SLC4A5: variants seen among roughly 807,000 people sequenced by gnomAD.
SLC4A5 encodes the protein solute carrier family 4 member 5, also known as electrogenic sodium bicarbonate cotransporter 4.
In SLC4A5, 96 loss-of-function variants were observed where a neutral mutation model predicts 120.4. The observed-to-expected ratio is 0.80, with a 90% CI of 0.68 to 0.94. The LOEUF (loss-of-function observed/expected upper bound fraction) is 0.94, where lower values mean the gene tolerates loss of function less well. Ranked by LOEUF, SLC4A5 falls within the 40% of genes least tolerant of loss-of-function variation. SLC4A5 has a pLI of 0.00. For missense variants in SLC4A5, 1,259 were observed against 1,459.5 expected, an observed-to-expected ratio of 0.86 and a Z score of 2.24; for synonymous variants, 550 against 571.1, an observed-to-expected ratio of 0.96 and a Z score of 0.53.
chr2:74,324,802 C>T (rs1573105572), intron 5 of SLC4A5, among the ~76,000 whole-genome samples: 3 of 152,110 alleles, frequency 2.0e-5, no homozygotes, highest in Non-Finnish European at 1.5e-5. Context: ...CCCATTCCAG[C>T]CACAGAGACT....
At chr2:74,297,309 T>G (rs1488468305) in intron 7 of SLC4A5, among the ~76,000 whole-genome samples, 1 of 152,192 alleles carries the variant, frequency 6.6e-6, no homozygotes, top group Non-Finnish European at 1.5e-5. Context: ...TATTTATCTC[T>G]CATTTAACAA....
chr2:74,271,731 T>C (rs1671480747), intron 8 of SLC4A5, among the ~76,000 whole-genome samples: 1 of 151,484 alleles, frequency 6.6e-6, no homozygotes, highest in African/African-American at 2.4e-5. Context: ...ACTGATCACT[T>C]TGGGTGAGAT....
rs1234282834 is a variant in SLC4A5 at position 74,246,899 on chromosome 2, T to C, written c.2059+137A>G. 3.5e-6 allele frequency: 4 copies of C among 1,133,632 alleles called. No individual in the cohort carries two copies. In the Admixed American group the frequency reaches 8.6e-5, roughly 24 times the overall value. 70.2% of individuals were successfully genotyped at this position (1,133,632 alleles called of 1,614,324 possible). ...CTTCCAAACACTGGGTTCAAGACCC[T>C]GTATTTGCTCTCTTGGAACTGTAAG... On this transcript the variant is annotated intron_variant, in intron 19 of 30. Coordinates refer to ENST00000394019, the Ensembl canonical transcript of SLC4A5.
chr2:74,244,534 TTC>T (rs1491482345), intron 19 of SLC4A5, among the ~76,000 whole-genome samples: 2 of 151,766 alleles, frequency 1.3e-5, no homozygotes, highest in African/African-American at 4.8e-5. Context: ...TCTTTCTTTT[TTC>T]TCTCTTTCCT....
intron 5 of SLC4A5, among the ~76,000 whole-genome samples, chr2:74,325,877 G>A (rs1005969065): frequency 2.0e-5 from 3 of 147,122 alleles, no homozygotes; most frequent in Non-Finnish European, 3.0e-5. Flanking sequence ...GAGGGGGAAA[G>A]GGGAAGGGGA....
chr2:74,228,078 G>T (rs1694913456), intron 25 of SLC4A5, among the ~76,000 whole-genome samples, 200 bp from the exon 26 acceptor site: 1 of 152,204 alleles, frequency 6.6e-6, no homozygotes, highest in Admixed American at 6.5e-5. Context: ...TCTGGCTGGG[G>T]TAGCTGGCCC....
At chr2:74,321,024 T>TA (rs756995076) in intron 5 of SLC4A5, among the ~76,000 whole-genome samples, 55 of 152,368 alleles carry the variant, frequency 3.6e-4, no homozygotes, top group Non-Finnish European at 6.3e-4. Flanking sequence ...ATTCCACCGA[T>TA]ACGCATTGGT....
chr2:74,299,509 A>C (rs905896032), intron 7 of SLC4A5, among the ~76,000 whole-genome samples: 1 of 152,200 alleles, frequency 6.6e-6, no homozygotes, highest in Non-Finnish European at 1.5e-5. Flanking sequence ...CTGTGAGTCC[A>C]TCAAGCCTCT....
chr2:74,308,374 T>A (rs796208744), intron 6 of SLC4A5, among the ~76,000 whole-genome samples: 11 of 152,342 alleles, frequency 7.2e-5, no homozygotes, highest in African/African-American at 2.2e-4. Flanking sequence ...TTGCTTTGCA[T>A]CCTCATCAGC....
intron 10 of SLC4A5, 45 bp downstream of exon 10, chr2:74,264,102 C>T (rs767394950): frequency 1.3e-6 from 2 of 1,590,836 alleles, no homozygotes; most frequent in Admixed American, 3.5e-5. Context: ...GGGCCTGATA[C>T]TGGCCCTGCA....
intron 6 of SLC4A5, among the ~76,000 whole-genome samples, chr2:74,311,959 T>C (rs1245659328): frequency 1.3e-5 from 2 of 152,238 alleles, no homozygotes; most frequent in East Asian, 3.8e-4. Context: ...TGTCATTTTT[T>C]TGCCTCATGT....
exon 27 of SLC4A5, chr2:74,227,101 C>A (rs1259669715): frequency 6.2e-7 from 1 of 1,613,694 alleles, no homozygotes; most frequent in Admixed American, 1.7e-5. Flanking sequence ...GCTTGGCTGG[C>A]ATCAGGAAGA....
chr2:74,301,620 C>A (rs183764866), intron 7 of SLC4A5, among the ~76,000 whole-genome samples: 1 of 152,342 alleles, frequency 6.6e-6, no homozygotes, highest in East Asian at 1.9e-4. Flanking sequence ...CCAGATGAGG[C>A]AGGTAAAATG....
At chr2:74,313,058 T>C (rs1267376993) in intron 6 of SLC4A5, among the ~76,000 whole-genome samples, 1 of 151,286 alleles carries the variant, frequency 6.6e-6, no homozygotes, top group South Asian at 2.1e-4. Context: ...TCTTTTTTTT[T>C]TTTTTTTTAA....
intron 14 of SLC4A5, among the ~76,000 whole-genome samples, chr2:74,253,566 C>T (rs189409675): frequency 4.1e-4 from 63 of 152,032 alleles, no homozygotes; most frequent in African/African-American, 1.4e-3. Context: ...CTTACAGATT[C>T]GATGGGACTA....
At chr2:74,227,665 G>T in intron 26 of SLC4A5, 145 bp downstream of exon 26, 2 of 1,143,778 alleles carry the variant, frequency 1.7e-6, no homozygotes, top group Non-Finnish European at 2.5e-6. Context: ...TCAGTAAGTG[G>T]TAGTATCATT....
intron 6 of SLC4A5, among the ~76,000 whole-genome samples, chr2:74,313,047 G>GTTT (rs1672857967): frequency 7.2e-6 from 1 of 138,050 alleles, no homozygotes; most frequent in Non-Finnish European, 1.6e-5. Flanking sequence ...CCCCTTTTTG[G>GTTT]TCTTTTTTTT....
At chr2:74,281,837 T>G (rs1671823934) in intron 8 of SLC4A5, among the ~76,000 whole-genome samples, 2 of 152,214 alleles carry the variant, frequency 1.3e-5, no homozygotes, top group African/African-American at 4.8e-5. Flanking sequence ...TTAAATACTT[T>G]TATTAAAGCG....
chr2:74,264,043 A>G, intron 10 of SLC4A5, 104 bp downstream of exon 10: 3 of 1,430,778 alleles, frequency 2.1e-6, no homozygotes. Context: ...AGAACATCAG[A>G]ATTTCTCCAG....
Sources: allele counts gnomAD v4.1 joint callset (sites outside exome capture counted in the v4.1 genomes callset), GRCh38; gene constraint gnomAD v4.1.1; transcripts MANE v1.5; gene names NCBI Gene and HGNC (gene_info 2026-07-23, HGNC 2026-07-21).